Variants in MBP observed in about 807,000 individuals in gnomAD.
MBP encodes the protein myelin basic protein, also known as Golli-MBP.
Under a neutral mutation model 35.8 loss-of-function variants are expected in MBP, and 16 were observed. The ratio of observed to expected loss-of-function variants is 0.45; its 90% CI spans 0.30 to 0.68. MBP has a LOEUF of 0.68. MBP is among the 30% of genes least tolerant of loss of function. The pLI, the probability that MBP is intolerant of heterozygous loss-of-function variation, is 0.08. For missense variants in MBP, 380 were observed against 404.7 expected (o/e 0.94, Z 0.52); for synonymous variants, 143 against 159.6 (o/e 0.90, Z 0.78).
At chr18:76,993,448 G>T (rs983381912) in intron 4 of MBP, among the ~76,000 whole-genome samples, 1 of 151,814 alleles carries the variant, frequency 6.6e-6, no homozygotes, top group Non-Finnish European at 1.5e-5. Context: ...GCTTCAGGGG[G>T]CTGAGGCAGG....
intron 3 of MBP, among the ~76,000 whole-genome samples, chr18:77,029,389 AGGGAGACCGTGGAAAGAGAGGGAG>A: frequency 7.5e-6 from 1 of 133,786 alleles, no homozygotes; most frequent in South Asian, 2.8e-4. Context: ...TCGGCATCAG[AGGGAGACCGTGGAAAGAGAGGGAG>A]AGGGAGACCG....
At chr18:77,016,582 C>G in intron 4 of MBP, 1 of 1,370,744 alleles carries the variant, frequency 7.3e-7, no homozygotes, top group Non-Finnish European at 9.4e-7. Flanking sequence ...TTCAGCATGT[C>G]CTTACATTCC....
intron 7 of MBP, chr18:76,985,517 C>T: frequency 8.6e-7 from 1 of 1,160,464 alleles, no homozygotes; most frequent in Non-Finnish European, 1.1e-6. Context: ...TGAGCTCTCT[C>T]CCAGGGTGAG....
In MBP at chr18:76,988,787, G is replaced by A. The variant is rs576495499; in HGVS notation, c.717+90C>T. The stretch of plus-strand genomic sequence containing the variant: ...GTTTTGGGATGGATTCTGGTAGCTC[G>A]GAGCCTAACTCTCTCTTTGGTACAT... On this transcript the variant is annotated intron_variant, in intron 6 of 8. Coordinates refer to ENST00000355994, the MANE Select transcript of MBP (RefSeq NM_001025101.2). The surrounding 1 kb of genome is among the most constrained non-coding windows in gnomAD (Gnocchi z 5.2). 1.9e-4 allele frequency: 273 copies of A among 1,460,604 alleles called. No individual in the cohort carries two copies. The African/African-American group carries it at 3.5e-3, about 19-fold the overall frequency. The allele number at this position is 1,460,604 out of a possible 1,614,324, so 90.5% of individuals were successfully genotyped here. A position where few individuals can be genotyped will look rare whatever the true frequency, so the allele number is the denominator to read the frequency against.
At chr18:77,040,688 C>A (rs1265669634) in intron 3 of MBP, among the ~76,000 whole-genome samples, 19 of 152,144 alleles carry the variant, frequency 1.2e-4, no homozygotes, top group Admixed American at 1.2e-3. Flanking sequence ...GGAAAGGATT[C>A]CCTATTTAAT....
intron 1 of MBP, among the ~76,000 whole-genome samples, chr18:77,132,141 T>A (rs977087696): frequency 3.3e-5 from 5 of 150,138 alleles, no homozygotes; most frequent in Non-Finnish European, 7.4e-5. Context: ...CGCCGTCCCC[T>A]CCCACCCTAG....
chr18:76,998,597 G>C (rs1599509012), intron 4 of MBP, among the ~76,000 whole-genome samples: 2 of 152,218 alleles, frequency 1.3e-5, no homozygotes, highest in Non-Finnish European at 2.9e-5. Flanking sequence ...CTGAAGTGAA[G>C]CTGCCGAGGT....
At chr18:77,113,741 TG>T in intron 1 of MBP, 1 of 152,842 alleles carries the variant, frequency 6.5e-6, no homozygotes, top group Non-Finnish European at 1.5e-5. Context: ...ATGGGGGGAT[TG>T]GGGGAGTGAC....
rs562760566 is a variant in MBP at position 77,102,239 on chromosome 18, C to T, written c.51+2972G>A. On this transcript the variant is annotated intron_variant, in intron 2 of 8. Transcript: ENST00000355994. The surrounding 1 kb of genome is among the most constrained non-coding windows in gnomAD (Gnocchi z 4.4). Reference sequence around the variant, plus strand: ...GGGGTAGACCGGGCAGCCCCCACCGCAGCTGCCCTCCCTGCTGACAGATCA... The same window carrying T: ...GGGGTAGACCGGGCAGCCCCCACCGTAGCTGCCCTCCCTGCTGACAGATCA... Among the ~76,000 whole-genome samples the T allele has an allele frequency of 6.6e-5, 10 of 152,258 alleles. No individual in the cohort carries two copies. The East Asian group carries it at 1.7e-3, about 26-fold the overall frequency.
intron 2 of MBP, among the ~76,000 whole-genome samples, chr18:77,103,220 A>G (rs1223611873): frequency 1.3e-5 from 2 of 152,192 alleles, no homozygotes; most frequent in African/African-American, 4.8e-5. Flanking sequence ...AGAAGGCCCC[A>G]TTTCTTCCAA....
rs772517216 is a variant in MBP at position 77,105,161 on chromosome 18, G to A, written c.51+50C>T. ...CCTCTGACACACCAAGGGGATTTGT[G>A]TTTAATAAGAAAACAACATGCACAT... On this transcript the variant is annotated intron_variant, in intron 2 of 8. Coordinates refer to ENST00000355994, the MANE Select transcript of MBP (RefSeq NM_001025101.2). 6 of 1,588,482 alleles carry A rather than the reference G, an allele frequency of 3.8e-6. No individual in the cohort carries two copies. The South Asian group carries it at 6.6e-5, about 18-fold the overall frequency.
chr18:77,055,235 G>C (rs796897876), intron 3 of MBP, among the ~76,000 whole-genome samples: 39 of 152,314 alleles, frequency 2.6e-4, no homozygotes, highest in African/African-American at 9.4e-4. Context: ...GGAGGAGCAG[G>C]GTCAGCAGAA....
intron 3 of MBP, among the ~76,000 whole-genome samples, chr18:77,048,111 G>C (rs470577): frequency 0.3 from 45,171 of 151,878 alleles, 7,467 homozygotes; most frequent in African/African-American, 0.44. Context: ...CTCGTTTGAC[G>C]CCCTTTTAAT....
intron 2 of MBP, among the ~76,000 whole-genome samples, chr18:77,088,535 G>A (rs1005258028): frequency 6.6e-6 from 1 of 152,150 alleles, no homozygotes; most frequent in Non-Finnish European, 1.5e-5. Context: ...CATTATTCTG[G>A]TATGATGCAT....
At chr18:77,067,766 T>C (rs936095994) in intron 2 of MBP, 11 of 489,790 alleles carry the variant, frequency 2.2e-5, no homozygotes, top group Non-Finnish European at 4.1e-5. Context: ...ATCTCTCATT[T>C]CCTGGGAGCC....
intron 2 of MBP, among the ~76,000 whole-genome samples, chr18:77,100,855 G>A (rs1247388368): frequency 3.3e-5 from 5 of 151,942 alleles, no homozygotes; most frequent in African/African-American, 7.3e-5. Context: ...ACCTGGCCTC[G>A]TTTGGTGTTT....
At chr18:77,055,595 C>G (rs537773292) in intron 3 of MBP, among the ~76,000 whole-genome samples, 3 of 151,564 alleles carry the variant, frequency 2.0e-5, no homozygotes, top group African/African-American at 7.3e-5. Flanking sequence ...TTCTCTCTCT[C>G]TCTCTCTTTC....
chr18:77,058,486 C>G (rs1973833158), intron 3 of MBP, among the ~76,000 whole-genome samples: 1 of 152,138 alleles, frequency 6.6e-6, no homozygotes, highest in African/African-American at 2.4e-5. Context: ...GACCCCAGGC[C>G]CGGGCACGAC....
chr18:77,009,105 G>C lies in MBP; in HGVS notation c.576+7727C>G, dbSNP rs3829619. Among the ~76,000 whole-genome samples the C allele has an allele frequency of 2.0e-5, 3 of 152,236 alleles. No homozygotes were observed. The East Asian group carries it at 5.8e-4, about 29-fold the overall frequency. The stretch of plus-strand genomic sequence containing the variant: ...GGTGGTGGCCTGGGTCTGGAGGGGG[G>C]CCTGGTGGATGCAGGTTTGTGGTGA... On this transcript the variant is annotated intron_variant, in intron 4 of 8. Transcript: ENST00000355994.
Sources: allele counts gnomAD v4.1 joint callset (sites outside exome capture counted in the v4.1 genomes callset), GRCh38; gene constraint gnomAD v4.1.1; non-coding constraint Gnocchi (gnomAD v3.1); transcripts MANE v1.5; gene names NCBI Gene and HGNC (gene_info 2026-07-23, HGNC 2026-07-21).